DENND1A: variants seen among roughly 807,000 people sequenced by gnomAD.
DENND1A encodes DENN domain-containing protein 1A.
Under a neutral mutation model 113.7 loss-of-function variants are expected in DENND1A, and 51 were observed. The ratio of observed to expected loss-of-function variants is 0.45; its 90% confidence interval spans 0.36 to 0.57. DENND1A has a LOEUF of 0.57. Among genes scored for constraint, DENND1A ranks in the 20% least tolerant of loss-of-function variants. DENND1A has a pLI of 0.00. For missense variants in DENND1A, 1,258 were observed against 1,395.9 expected, an observed-to-expected ratio of 0.90 and a Z score of 1.57; for synonymous variants, 565 against 570.8, an observed-to-expected ratio of 0.99 and a Z score of 0.14.
intron 1 of DENND1A, chr9:123,928,806 A>G: frequency 1.0e-6 from 1 of 985,460 alleles, no homozygotes; most frequent in Non-Finnish European, 1.2e-6. Flanking sequence ...AAACTTCCCT[A>G]GTACAATTCT....
chr9:123,899,493 T>C (rs916493335), intron 1 of DENND1A, among the ~76,000 whole-genome samples: 4 of 152,144 alleles, frequency 2.6e-5, no homozygotes, highest in African/African-American at 9.7e-5. Flanking sequence ...CATGAAAAAA[T>C]AAGGTAATAT....
chr9:123,556,386 C>T (rs2057414532), intron 13 of DENND1A, among the ~76,000 whole-genome samples: 1 of 152,136 alleles, frequency 6.6e-6, no homozygotes, highest in African/African-American at 2.4e-5. Flanking sequence ...TGCTGTTACT[C>T]TTTGTGTTTT....
chr9:123,545,003 C>A (rs2056560961), intron 13 of DENND1A, among the ~76,000 whole-genome samples: 1 of 151,792 alleles, frequency 6.6e-6, no homozygotes, highest in African/African-American at 2.4e-5. Flanking sequence ...GAGGCTGAGG[C>A]AGGAGAATGG....
intron 13 of DENND1A, among the ~76,000 whole-genome samples, chr9:123,554,240 A>C (rs1447744968): frequency 3.9e-5 from 6 of 151,922 alleles, no homozygotes; most frequent in Admixed American, 6.5e-5. Flanking sequence ...AACATTTTTA[A>C]AAGACAGGGT....
At chr9:123,836,778 G>A (rs1841111222) in intron 2 of DENND1A, among the ~76,000 whole-genome samples, 2 of 151,966 alleles carry the variant, frequency 1.3e-5, no homozygotes, top group Non-Finnish European at 2.9e-5. Context: ...AATAAAAGTT[G>A]TTTATTCACA....
chr9:123,679,895 G>T (rs2064330509), intron 5 of DENND1A, among the ~76,000 whole-genome samples: 1 of 152,098 alleles, frequency 6.6e-6, no homozygotes, highest in South Asian at 2.1e-4. Flanking sequence ...TCCGTGGTCC[G>T]CCTCTGCCTG....
chr9:123,384,538 C>T (rs2042458470), intron 22 of DENND1A, among the ~76,000 whole-genome samples: 1 of 152,218 alleles, frequency 6.6e-6, no homozygotes, highest in African/African-American at 2.4e-5. Context: ...AAATGCGGTG[C>T]CCGGCACACA....
intron 11 of DENND1A, among the ~76,000 whole-genome samples, chr9:123,594,281 C>T (rs1000793414): frequency 3.3e-5 from 5 of 152,176 alleles, no homozygotes; most frequent in African/African-American, 1.2e-4. Flanking sequence ...CACACAACAA[C>T]AAAATTACAG....
intron 1 of DENND1A, among the ~76,000 whole-genome samples, chr9:123,894,503 T>C (rs1222513920): frequency 3.9e-5 from 6 of 152,158 alleles, no homozygotes; most frequent in African/African-American, 1.4e-4. Context: ...CTGCCACGAA[T>C]TGATAAAACA....
intron 19 of DENND1A, chr9:123,413,805 G>C (rs531824465): frequency 7.1e-5 from 70 of 985,402 alleles, no homozygotes; most frequent in Non-Finnish European, 8.0e-5. Flanking sequence ...CTTACAGGAA[G>C]TGTGTGGGGG....
chr9:123,409,480 G>A (rs142383052), intron 20 of DENND1A, among the ~76,000 whole-genome samples: 12 of 151,296 alleles, frequency 7.9e-5, no homozygotes, highest in Admixed American at 2.0e-4. Flanking sequence ...TCTAAAATCC[G>A]AAACAAACTG....
At chr9:123,560,427 G>A (rs1183424281) in intron 12 of DENND1A, among the ~76,000 whole-genome samples, 1 of 152,124 alleles carries the variant, frequency 6.6e-6, no homozygotes, top group Non-Finnish European at 1.5e-5. Context: ...GAAGCCATGG[G>A]GACGTGCCCA....
intron 13 of DENND1A, among the ~76,000 whole-genome samples, chr9:123,505,113 C>T (rs541196948): frequency 8.0e-4 from 122 of 152,302 alleles, no homozygotes; most frequent in African/African-American, 2.8e-3. Flanking sequence ...GGCATCAATA[C>T]CCAACTTATG....
chr9:123,872,610 T>A (rs187478657), intron 2 of DENND1A, among the ~76,000 whole-genome samples: 10 of 152,312 alleles, frequency 6.6e-5, no homozygotes, highest in Non-Finnish European at 8.8e-5. Context: ...TTGTTCATCA[T>A]TTTCCAAGAA....
chr9:123,403,362 C>A (rs544880981), intron 21 of DENND1A, 40 bp downstream of exon 21: 98 of 1,606,942 alleles, frequency 6.1e-5, no homozygotes, highest in Non-Finnish European at 8.2e-5. Flanking sequence ...TCCGCAGACA[C>A]AGGGTTCTTA....
In DENND1A at chr9:123,758,735, C is replaced by T. The variant is rs149752810; in HGVS notation, c.183-913G>A. On this transcript the variant is annotated intron_variant, in intron 4 of 23. Transcript: ENST00000394215. ...CAAAAATTTAAAAACCACACATAAA[C>T]GCAACATTAAAATATCTATTTTTAA... Among the ~76,000 whole-genome samples, 7 of 152,204 alleles carry T rather than the reference C, an allele frequency of 4.6e-5. No individual in the cohort carries two copies. The East Asian group carries it at 7.7e-4, about 17-fold the overall frequency.
At chr9:123,655,820 C>A (rs1008863533) in intron 8 of DENND1A, among the ~76,000 whole-genome samples, 2 of 152,242 alleles carry the variant, frequency 1.3e-5, no homozygotes, top group Non-Finnish European at 2.9e-5. Context: ...ACTCTCCCAG[C>A]ACTTTGCTTC....
At chr9:123,690,072 GGGAAGAAGGAAA>G (rs1213677737) in intron 5 of DENND1A, among the ~76,000 whole-genome samples, 15 of 106,420 alleles carry the variant, frequency 1.4e-4, no homozygotes, top group Non-Finnish European at 2.5e-4. Flanking sequence ...GAGGGAGGGA[GGGAAGAAGGAAA>G]GGAGGGAGGG....
intron 2 of DENND1A, among the ~76,000 whole-genome samples, chr9:123,859,778 T>C (rs1023236750): frequency 6.6e-6 from 1 of 152,152 alleles, no homozygotes; most frequent in Admixed American, 6.5e-5. Flanking sequence ...AAATATAATA[T>C]GGAAATTTTA....
Sources: allele counts gnomAD v4.1 joint callset (sites outside exome capture counted in the v4.1 genomes callset), GRCh38; gene constraint gnomAD v4.1.1; transcripts MANE v1.5; gene names NCBI Gene and HGNC (gene_info 2026-07-23, HGNC 2026-07-21).